ANKLE2: variants seen among roughly 807,000 people sequenced by gnomAD.
ANKLE2 encodes ankyrin repeat and LEM domain containing 2, also known as ankyrin repeat and LEM domain-containing protein 2.
ANKLE2 carries 55 observed loss-of-function variants against 84.2 expected under a neutral mutation model. The ratio of observed to expected loss-of-function variants is 0.65; its 90% CI spans 0.53 to 0.82. The LOEUF is 0.82. ANKLE2 is among the 40% of genes least tolerant of loss of function. The pLI is 0.00. For missense variants in ANKLE2, 1,238 were observed against 1,201.9 expected (o/e 1.03, Z -0.44); for synonymous variants, 551 against 486.1 (o/e 1.13, Z -1.76).
intron 8 of ANKLE2, among the ~76,000 whole-genome samples, chr12:132,736,109 G>A (rs1301253413): frequency 1.3e-5 from 2 of 152,050 alleles, no homozygotes; most frequent in African/African-American, 4.8e-5. Flanking sequence ...CCACCACCAC[G>A]CCCGGCTAAT....
At chr12:132,746,142 A>C (rs1258350400) in intron 5 of ANKLE2, among the ~76,000 whole-genome samples, 1 of 152,142 alleles carries the variant, frequency 6.6e-6, no homozygotes, top group Non-Finnish European at 1.5e-5. Flanking sequence ...AGGTCAGGAG[A>C]TGGAGACCAT....
Position 132,725,736 on chromosome 12 carries a change from G to A in ANKLE2, c.*1506C>T, listed in dbSNP as rs1411433238. 1.3e-5 allele frequency: 2 copies of A among 152,218 alleles called. No individual in the cohort carries two copies. The highest frequency in any genetic ancestry group is 2.9e-5 in the Non-Finnish European group (2 of 68,040). 9.4% of individuals were successfully genotyped at this position (152,218 alleles called of 1,614,324 possible). On this transcript the variant is annotated 3_prime_UTR_variant, in exon 13 of 13. Coordinates refer to ENST00000357997, the MANE Select transcript of ANKLE2 (RefSeq NM_015114.3). ...ATACAGACAATATGGTAAGATTTTA[G>A]AGAAAACAGATCATCACTACGAATA...
At position 132,729,768 on chromosome 12, in the gene ANKLE2, G is replaced by C; in HGVS notation, c.2394C>G (p.Ile798Met). ...RRTESEMSARIAKMSLSPSSP... is the reference protein window; with the variant it reads ...RRTESEMSARMAKMSLSPSSP... ...TGCTGGGACTCAAGGACATTTTAGC[G>C]ATCCTGGCTGACATTTCACTTTCTG... The change falls in exon 11 of 13, where the codon ATC becomes ATG. Residue 798 changes from isoleucine to methionine, a missense_variant. Ile to Met is a conservative substitution (Grantham distance 10). Around this residue, in one of 3 missense-constraint regions of ANKLE2, gnomAD observed 802 missense variants for 774.5 expected, o/e 1.04. Transcript: ENST00000357997. 1 of 1,612,156 alleles carries C rather than the reference G, an allele frequency of 6.2e-7. No homozygotes were observed. The highest frequency in any genetic ancestry group is 1.1e-5 in the South Asian group (1 of 91,012).
chr12:132,736,973 G>T lies in ANKLE2; in HGVS notation c.1513C>A (p.His505Asn), dbSNP rs1489242052. 6.2e-7 allele frequency: 1 copy of T among 1,613,908 alleles called. No individual in the cohort carries two copies. The highest frequency in any genetic ancestry group is 2.2e-5 in the East Asian group (1 of 44,876). ...GGGCTGCCTCCATAGCGGCTGACGT[G>T]AGAGGCCTCAGCCGTCTGGTCTGGG... Reference protein sequence around the residue: ...WSPDQTAEASHVSRYGGSPRD... With the variant: ...WSPDQTAEASNVSRYGGSPRD... Residue 505 changes from histidine (H) to asparagine (N), a missense_variant, in exon 8 of 13, where the codon CAC becomes AAC. Around this residue, in one of 3 missense-constraint regions of ANKLE2, gnomAD observed 802 missense variants for 774.5 expected, o/e 1.04. Coordinates refer to ENST00000357997, the MANE Select transcript of ANKLE2 (RefSeq NM_015114.3).
chr12:132,732,635 C>CAT (rs2043895695), intron 10 of ANKLE2, among the ~76,000 whole-genome samples: 7 of 68,378 alleles, frequency 1.0e-4, no homozygotes, highest in South Asian at 1.0e-3. Context: ...TGATACGCAC[C>CAT]GTGAAGCGCT....
In ANKLE2 at chr12:132,730,117, T is replaced by C; in HGVS notation, c.2045A>G (p.Glu682Gly). 1 of 1,612,568 alleles carries C rather than the reference T, an allele frequency of 6.2e-7. No individual in the cohort carries two copies. The highest frequency in any genetic ancestry group is 8.5e-7 in the Non-Finnish European group (1 of 1,179,742). Residue 682 changes from glutamate to glycine, a missense_variant, in exon 11 of 13, where the codon GAG (glutamate) becomes GGG (glycine). By Grantham distance (98) the Glu-to-Gly change is moderately conservative. Transcript: ENST00000357997. Reference protein sequence around the residue: ...TRCSAFPLEQEADLIEAAEPG... With the variant: ...TRCSAFPLEQGADLIEAAEPG... ...CTCGGCGGCTTCTATGAGGTCTGCC[T>C]CCTGCTCCAAGGGGAAGGCGCTGCA...
At chr12:132,750,932 A>G (rs1476846310) in intron 2 of ANKLE2, 83 bp from the exon 3 acceptor site, 24 of 1,245,700 alleles carry the variant, frequency 1.9e-5, no homozygotes, top group Non-Finnish European at 2.2e-5. Context: ...CCTAACCATC[A>G]GCTTCCACAT....
At position 132,743,026 on chromosome 12, in the gene ANKLE2, T is replaced by G; in HGVS notation, c.1353+128A>C. 1 of 791,538 alleles carries G rather than the reference T, an allele frequency of 1.3e-6. No individual in the cohort carries two copies. The highest frequency in any genetic ancestry group is 1.9e-6 in the Non-Finnish European group (1 of 538,562). The allele number at this position is 791,538 out of a possible 1,614,324, so 49.0% of individuals were successfully genotyped here. On this transcript the variant is annotated intron_variant, in intron 6 of 12. Coordinates refer to ENST00000357997, the MANE Select transcript of ANKLE2 (RefSeq NM_015114.3). The surrounding 1 kb of genome is among the most constrained non-coding windows in gnomAD (Gnocchi z 4.1). ...ACTCAACAGCCAAGGTTCTAACATGTGCCCATAAAGCAAACACAACTCATA... is the reference window on the plus strand; with the variant it reads ...ACTCAACAGCCAAGGTTCTAACATGGGCCCATAAAGCAAACACAACTCATA...
intron 1 of ANKLE2, 111 bp downstream of exon 1, chr12:132,761,507 C>T: frequency 6.2e-6 from 6 of 961,978 alleles, no homozygotes; most frequent in Non-Finnish European, 8.0e-6. Flanking sequence ...CCGGCCGCCT[C>T]GCCCAACTGC....
At chr12:132,752,056 A>G (rs965149478) in intron 2 of ANKLE2, among the ~76,000 whole-genome samples, 1 of 151,974 alleles carries the variant, frequency 6.6e-6, no homozygotes, top group African/African-American at 2.4e-5. Flanking sequence ...AAAAATAGCC[A>G]TAGTTCGGGC....
In ANKLE2 at chr12:132,750,864, T is replaced by C. The variant is rs1566033235; in HGVS notation, c.641-15A>G. 2 of 1,610,292 alleles carry C rather than the reference T, an allele frequency of 1.2e-6. No homozygotes were observed. Among genetic ancestry groups the C allele is most frequent in the East Asian group, 2.2e-5 (1 of 44,852 alleles). On this transcript the variant is annotated splice_polypyrimidine_tract_variant and intron_variant, in intron 2 of 12. Coordinates refer to ENST00000357997, the MANE Select transcript of ANKLE2 (RefSeq NM_015114.3). ...ATAGATCCTTTCTGGGTAAGAAAAGTAACAAATGAAAATCAGAGAAGAGTG... is the reference window on the plus strand; with the variant it reads ...ATAGATCCTTTCTGGGTAAGAAAAGCAACAAATGAAAATCAGAGAAGAGTG...
At chr12:132,759,089 CCGGGG>C (rs1315141850) in intron 1 of ANKLE2, 1 of 125,400 alleles carries the variant, frequency 8.0e-6, no homozygotes, top group Non-Finnish European at 1.6e-5. Context: ...GAGTGGCACC[CCGGGG>C]CACCCACGTG....
chr12:132,727,029 TA>T lies in ANKLE2; in HGVS notation c.*212del. ...ACATGGATATTTTCCAGAAAATTGG[TA>T]ACTGAGTTTGCTTTCATTAACTTCT... On this transcript the variant is annotated 3_prime_UTR_variant, in exon 13 of 13. Coordinates refer to ENST00000357997, the MANE Select transcript of ANKLE2 (RefSeq NM_015114.3). The T allele has an allele frequency of 1.7e-6, 1 of 586,260 alleles. No homozygotes were observed. The highest frequency in any genetic ancestry group is 1.9e-5 in the African/African-American group (1 of 53,856). 36.3% of individuals were successfully genotyped at this position (586,260 alleles called of 1,614,324 possible).
chr12:132,743,365 ATTCAT>A lies in ANKLE2; in HGVS notation c.1231-94_1231-90del. On this transcript the variant is annotated intron_variant, in intron 5 of 12. Transcript: ENST00000357997. This position sits in a 1 kb window ranked among gnomAD's most constrained non-coding sequence, Gnocchi z 4.1. ...AAAATACATATTCATTCATTCATTC[ATTCAT>A]TTATTTATTTTGAGACGGAGTCTCA... 7.0e-7 allele frequency: 1 copy of A among 1,428,200 alleles called. No homozygotes were observed. Among genetic ancestry groups the A allele is most frequent in the Non-Finnish European group, 9.3e-7 (1 of 1,072,070 alleles). The allele number at this position is 1,428,200 out of a possible 1,614,324, so 88.5% of individuals were successfully genotyped here.
At chr12:132,736,579 G>A (rs1453775429) in intron 8 of ANKLE2, among the ~76,000 whole-genome samples, 1 of 152,186 alleles carries the variant, frequency 6.6e-6, no homozygotes. Flanking sequence ...AGGTGCCTAG[G>A]ACGGGCCATC....
chr12:132,761,267 C>G (rs893555776), intron 1 of ANKLE2: 1 of 201,486 alleles, frequency 5.0e-6, no homozygotes, highest in Non-Finnish European at 9.9e-6. Flanking sequence ...TTCCTCCCCG[C>G]GCCGCCCTCC....
chr12:132,743,135 C>A lies in ANKLE2; in HGVS notation c.1353+19G>T. On this transcript the variant is annotated intron_variant, in intron 6 of 12. Transcript: ENST00000357997. The surrounding 1 kb of genome is among the most constrained non-coding windows in gnomAD (Gnocchi z 4.1). ...CATTTCTAACTCTAGATAGCAACTG[C>A]ATTGTAATAAGTACTTACATCTTCA... 1 of 1,579,960 alleles carries A rather than the reference C, an allele frequency of 6.3e-7. No homozygotes were observed. The highest frequency in any genetic ancestry group is 8.6e-7 in the Non-Finnish European group (1 of 1,160,728).
chr12:132,735,341 T>C, intron 9 of ANKLE2, 65 bp downstream of exon 9: 1 of 1,417,584 alleles, frequency 7.1e-7, no homozygotes, highest in East Asian at 2.3e-5. Flanking sequence ...GATTTGACCT[T>C]CTGTCATTAA....
rs1216812449 is a variant in ANKLE2 at position 132,728,053 on chromosome 12, T to C, written c.2594A>G (p.Tyr865Cys). The change falls in exon 12 of 13, where the codon TAC becomes TGC. Residue 865 changes from tyrosine to cysteine, a missense_variant. By Grantham distance (194) the Tyr-to-Cys change is radical. Transcript: ENST00000357997. ...VHRWKSAVLC[Y>C]SPSDRQSWPS... ...ATACCTCTGTCTGTCCGAGGGTGAGTAGCACAGGACAGCACTCTTCCATCT... is the reference window on the plus strand; with the variant it reads ...ATACCTCTGTCTGTCCGAGGGTGAGCAGCACAGGACAGCACTCTTCCATCT... 4.4e-6 allele frequency: 7 copies of C among 1,608,942 alleles called. No individual in the cohort carries two copies. Among genetic ancestry groups the C allele is most frequent in the Non-Finnish European group, 5.9e-6 (7 of 1,178,944 alleles).
Sources: gnomAD v4.1 joint callset for allele counts (sites outside exome capture counted in the v4.1 genomes callset) on GRCh38, gnomAD v4.1.1 for gene constraint, gnomAD v4.1.1 regional missense constraint, Gnocchi (gnomAD v3.1) non-coding constraint, MANE v1.5 for transcripts, NCBI Gene and HGNC (gene_info 2026-07-23, HGNC 2026-07-21) for gene names.